The following KIF26A variants were observed in gnomAD, a reference collection of about 807,000 sequenced individuals.
The protein encoded by KIF26A is kinesin-like protein KIF26A.
In KIF26A, 74 loss-of-function variants were observed where a neutral mutation model predicts 126.0. The ratio of observed to expected loss-of-function variants is 0.59; its 90% confidence interval spans 0.49 to 0.71. KIF26A has a LOEUF of 0.71. Among genes scored for constraint, KIF26A ranks in the 30% least tolerant of loss-of-function variants. The pLI is 0.00. For synonymous variants in KIF26A, 1,445 were observed against 1,232.7 expected (o/e 1.17, Z -3.61); for missense variants, 2,984 against 2,763.3 (o/e 1.08, Z -1.79).
At position 104,139,026 on chromosome 14, in the gene KIF26A, G is replaced by C; in HGVS notation, c.43-17G>C. ...CGTCCCAGGCTCACTGTCCGCTTCC[G>C]CCCCCACACCCTGCAGGTGGCCGAG... On this transcript the variant is annotated splice_polypyrimidine_tract_variant and intron_variant, in intron 1 of 14. Transcript: ENST00000423312. 7.5e-7 allele frequency: 1 copy of C among 1,333,230 alleles called. No homozygotes were observed. The highest frequency in any genetic ancestry group is 2.1e-5 in the South Asian group (1 of 48,618). The allele number at this position is 1,333,230 out of a possible 1,614,324, so 82.6% of individuals were successfully genotyped here.
chr14:104,160,094 G>A (rs573334147), intron 4 of KIF26A, among the ~76,000 whole-genome samples: 133 of 152,314 alleles, frequency 8.7e-4, no homozygotes, highest in African/African-American at 3.0e-3. Context: ...GAAGTTTCCA[G>A]TCTGGAGGGA....
intron 2 of KIF26A, among the ~76,000 whole-genome samples, chr14:104,145,544 T>C (rs1456219005): frequency 6.6e-6 from 1 of 152,242 alleles, no homozygotes; most frequent in Non-Finnish European, 1.5e-5. Context: ...ATGGTCGTGC[T>C]TGCGTCCCTC....
In KIF26A at chr14:104,177,561, C is replaced by T; in HGVS notation, c.4773C>T (p.Gly1591=). Residue 1591 remains glycine (G), a synonymous_variant, in exon 12 of 15, where the codon GGC becomes GGT. Transcript: ENST00000423312. ...GGGGCTCGGCGGACTCAGACAGCGGCCATGACAGCGGCGTGAACGTGGGGG... is the reference window on the plus strand; with the variant it reads ...GGGGCTCGGCGGACTCAGACAGCGGTCATGACAGCGGCGTGAACGTGGGGG... ...SSWGSADSDS[G]HDSGVNVGEE... 1 of 1,537,552 alleles carries T rather than the reference C, an allele frequency of 6.5e-7. No individual in the cohort carries two copies. The highest frequency in any genetic ancestry group is 1.4e-5 in the African/African-American group (1 of 72,956).
At position 104,152,111 on chromosome 14, in the gene KIF26A, G is replaced by C. The variant is rs376020927; in HGVS notation, c.385G>C (p.Ala129Pro). 39 of 1,612,276 alleles carry C rather than the reference G, an allele frequency of 2.4e-5. No homozygotes were observed. The highest frequency in any genetic ancestry group is 3.2e-5 in the Non-Finnish European group (38 of 1,179,766). The change falls in exon 3 of 15, where the codon GCC becomes CCC. Residue 129 changes from alanine to proline, a missense_variant. Coordinates refer to ENST00000423312, the MANE Select transcript of KIF26A (RefSeq NM_015656.2). This position sits in a 1 kb window ranked among gnomAD's most constrained non-coding sequence, Gnocchi z 5.9. ...GGCCGAGCGCCGCTGTGACGTCTGC[G>C]CCACACACCTGCAGCAGCTCACACG... ...PEAERRCDVC[A>P]THLQQLTREA... is the part of the protein sequence containing the mutation.
At chr14:104,160,576 C>T (rs537683040) in intron 4 of KIF26A, among the ~76,000 whole-genome samples, 3 of 152,302 alleles carry the variant, frequency 2.0e-5, no homozygotes, top group African/African-American at 7.2e-5. Context: ...GGCATGCTGG[C>T]CCAGCAAGTG....
chr14:104,158,433 A>T (rs542482202), intron 4 of KIF26A, among the ~76,000 whole-genome samples: 1 of 152,312 alleles, frequency 6.6e-6, no homozygotes, highest in South Asian at 2.1e-4. Context: ...CACGGAGAGG[A>T]CAAGGCTGGC....
chr14:104,153,912 G>T (rs2037753836), intron 3 of KIF26A, among the ~76,000 whole-genome samples: 1 of 152,116 alleles, frequency 6.6e-6, no homozygotes, highest in African/African-American at 2.4e-5. Flanking sequence ...CTGGTGGATG[G>T]CACACCATGA....
At chr14:104,161,573 G>A (rs1234059213) in intron 4 of KIF26A, among the ~76,000 whole-genome samples, 2 of 152,224 alleles carry the variant, frequency 1.3e-5, no homozygotes, top group African/African-American at 2.4e-5. Flanking sequence ...CAAGGCTGTG[G>A]GATTGCAGCA....
At chr14:104,162,249 G>A (rs2141104255) in intron 4 of KIF26A, among the ~76,000 whole-genome samples, 1 of 152,306 alleles carries the variant, frequency 6.6e-6, no homozygotes, top group East Asian at 1.9e-4. Flanking sequence ...AGGAGGAGGC[G>A]CCTCAAGTTA....
At chr14:104,174,453 G>A (rs532802310) in intron 11 of KIF26A, 143 bp downstream of exon 11, 2 of 919,224 alleles carry the variant, frequency 2.2e-6, no homozygotes, top group Admixed American at 6.9e-5. Flanking sequence ...GATGTCATGA[G>A]GCTATGCCCA....
At chr14:104,178,233 G>A (rs76929971) in intron 12 of KIF26A, among the ~76,000 whole-genome samples, 4,247 of 152,292 alleles carry the variant, frequency 0.028, 204 homozygotes, top group African/African-American at 0.097. Context: ...TTTGGGTCCC[G>A]GGCCTCGTGC....
At chr14:104,162,521 A>G (rs1007983300) in intron 4 of KIF26A, among the ~76,000 whole-genome samples, 9 of 152,118 alleles carry the variant, frequency 5.9e-5, no homozygotes, top group African/African-American at 1.9e-4. Flanking sequence ...TCCAGCCTCA[A>G]TCTCCCTCTG....
At chr14:104,144,548 C>T (rs1189434748) in intron 2 of KIF26A, among the ~76,000 whole-genome samples, 1 of 152,162 alleles carries the variant, frequency 6.6e-6, no homozygotes, top group African/African-American at 2.4e-5. Context: ...CCTTAAGTAC[C>T]CTGGAAGGAT....
Position 104,172,591 on chromosome 14 carries a change from G to T in KIF26A, c.1343G>T (p.Gly448Val), listed in dbSNP as rs1237482468. Residue 448 changes from glycine to valine, a missense_variant, in exon 7 of 15, where the codon GGG becomes GTG. Transcript: ENST00000423312. The stretch of plus-strand genomic sequence containing the variant: ...CCCCCCTAGGCCGAAGTCTGCTCGG[G>T]GACCGTGGCCGACGTGCTCCAGTCG... ...QDSEQAEVCS[G>V]TVADVLQSVV... The T allele has an allele frequency of 6.2e-7, 1 of 1,612,854 alleles. No homozygotes were observed. Among genetic ancestry groups the T allele is most frequent in the Non-Finnish European group, 8.5e-7 (1 of 1,179,716 alleles).
rs763439302 is a variant in KIF26A, at chr14:104,175,774, G to A, written c.2986G>A (p.Gly996Arg). ...GGTGGCTGGGTCCCCGATGCTTCCT[G>A]GGGCCACCTGCCCCCGCCTGGCTGC... ...GQVAGSPMLP[G>R]ATCPRLAAGS... The change falls in exon 12 of 15, where the codon GGG becomes AGG. Residue 996 changes from glycine to arginine, a missense_variant. Physicochemically the swap from Gly to Arg is moderately radical, Grantham distance 125. Transcript: ENST00000423312. 1.2e-5 allele frequency: 18 copies of A among 1,537,458 alleles called. No homozygotes were observed. The East Asian group carries it at 3.9e-4, about 33-fold the overall frequency.
At position 104,148,760 on chromosome 14, in the gene KIF26A, T is replaced by C. The variant is rs2037702116; in HGVS notation, c.289-3255T>C. ...GGTCTGCTGTGCGGGGAGCAGTCAG[T>C]GGTGTGGGAGACCCTCGCCTTCACC... On this transcript the variant is annotated intron_variant, in intron 2 of 14. Coordinates refer to ENST00000423312, the MANE Select transcript of KIF26A (RefSeq NM_015656.2). This position sits in a 1 kb window ranked among gnomAD's most constrained non-coding sequence, Gnocchi z 4.3. Among the ~76,000 whole-genome samples the C allele has an allele frequency of 6.6e-6, 1 of 151,860 alleles. No homozygotes were observed. The highest frequency in any genetic ancestry group is 6.5e-5 in the Admixed American group (1 of 15,272).
chr14:104,174,897 A>G (rs993853986), intron 11 of KIF26A, 85 bp from the exon 12 acceptor site: 5 of 1,368,784 alleles, frequency 3.7e-6, no homozygotes, highest in Non-Finnish European at 4.8e-6. Flanking sequence ...TGACCGCAGC[A>G]TTGGCCCTGT....
chr14:104,174,090 G>T, intron 10 of KIF26A, 58 bp from the exon 11 acceptor site: 1 of 1,473,246 alleles, frequency 6.8e-7, no homozygotes. Context: ...CCCTTGGCCA[G>T]CCTGTCCCCG....
At chr14:104,139,537 C>T (rs543662285) in intron 2 of KIF26A, among the ~76,000 whole-genome samples, 55 of 152,336 alleles carry the variant, frequency 3.6e-4, no homozygotes, top group Non-Finnish European at 5.9e-4. Context: ...GTTCCTCCCC[C>T]AGCCCAGATG....
Sources: allele counts gnomAD v4.1 joint callset (sites outside exome capture counted in the v4.1 genomes callset), GRCh38; gene constraint gnomAD v4.1.1; non-coding constraint Gnocchi (gnomAD v3.1); transcripts MANE v1.5; gene names NCBI Gene and HGNC (gene_info 2026-07-23, HGNC 2026-07-21).